The following LMBR1 variants were observed in gnomAD, a reference collection of about 807,000 sequenced individuals.
The protein encoded by LMBR1 is limb region 1 protein homolog.
In LMBR1, 52 loss-of-function variants were observed where a neutral mutation model predicts 73.9. The observed-to-expected ratio is 0.70, with a 90% confidence interval of 0.56 to 0.89. LMBR1 has a LOEUF of 0.89. LMBR1 is among the 40% of genes least tolerant of loss of function. The pLI is 0.00. For synonymous variants in LMBR1, 215 were observed against 209.4 expected (o/e 1.03, Z -0.23); for missense variants, 539 against 579.8 (o/e 0.93, Z 0.72).
chr7:156,805,839 T>C (rs1831957690), intron 4 of LMBR1, among the ~76,000 whole-genome samples: 1 of 152,086 alleles, frequency 6.6e-6, no homozygotes, highest in African/African-American at 2.4e-5. Context: ...TTGGGGGTAG[T>C]TAGGTCACAA....
chr7:156,828,213 T>A (rs1315460169), intron 3 of LMBR1, among the ~76,000 whole-genome samples: 1 of 152,184 alleles, frequency 6.6e-6, no homozygotes, highest in African/African-American at 2.4e-5. Context: ...ACACTTAGAC[T>A]TACCTAACCC....
At chr7:156,829,723 A>G (rs193033201) in intron 3 of LMBR1, among the ~76,000 whole-genome samples, 2 of 152,292 alleles carry the variant, frequency 1.3e-5, no homozygotes, top group Admixed American at 6.5e-5. Context: ...CTCCCGTTTC[A>G]GAATGAAAAA....
At chr7:156,674,226 G>C (rs76505823), downstream of LMBR1, among the ~76,000 whole-genome samples, 2 of 152,168 alleles carry the variant, frequency 1.3e-5, no homozygotes, top group South Asian at 2.1e-4. Flanking sequence ...TGTGGGGCTC[G>C]GGAACTGTCT....
chr7:156,740,996 T>C (rs995552383), intron 9 of LMBR1, among the ~76,000 whole-genome samples: 4 of 152,026 alleles, frequency 2.6e-5, no homozygotes, highest in African/African-American at 9.7e-5. Context: ...CAACAAAAAG[T>C]TTAAAAGTGT....
intron 1 of LMBR1, among the ~76,000 whole-genome samples, chr7:156,865,562 C>A (rs117496178): frequency 6.6e-6 from 1 of 152,106 alleles, no homozygotes; most frequent in Non-Finnish European, 1.5e-5. Flanking sequence ...TACTTTCTTA[C>A]AGAAATTGAC....
intron 5 of LMBR1, among the ~76,000 whole-genome samples, chr7:156,786,112 A>C (rs887331707): frequency 4.7e-5 from 7 of 150,248 alleles, no homozygotes; most frequent in African/African-American, 1.7e-4. Flanking sequence ...GGAGGGAGGG[A>C]AGGAGGGAGG....
At chr7:156,765,913 C>T (rs1463613700) in intron 5 of LMBR1, among the ~76,000 whole-genome samples, 1 of 152,020 alleles carries the variant, frequency 6.6e-6, no homozygotes, top group Admixed American at 6.5e-5. Flanking sequence ...AGTGTCAGCT[C>T]CTTGGAACCA....
At chr7:156,872,659 A>AG (rs982285078) in intron 1 of LMBR1, among the ~76,000 whole-genome samples, 2 of 152,102 alleles carry the variant, frequency 1.3e-5, no homozygotes, top group African/African-American at 4.8e-5. Flanking sequence ...AAAAAAAAAA[A>AG]CAACCTAAGA....
At chr7:156,853,695 A>G (rs2134106335) in intron 1 of LMBR1, among the ~76,000 whole-genome samples, 1 of 152,218 alleles carries the variant, frequency 6.6e-6, no homozygotes, top group South Asian at 2.1e-4. Context: ...TCATCCTGTC[A>G]CTGAGACTGG....
intron 1 of LMBR1, among the ~76,000 whole-genome samples, chr7:156,872,423 G>A (rs1374227360): frequency 6.6e-6 from 1 of 151,982 alleles, no homozygotes; most frequent in South Asian, 2.1e-4. Flanking sequence ...CCAAGCAGAC[G>A]GATCACCTGA....
At chr7:156,814,988 C>G (rs1424410898) in intron 4 of LMBR1, among the ~76,000 whole-genome samples, 1 of 151,866 alleles carries the variant, frequency 6.6e-6, no homozygotes, top group African/African-American at 2.4e-5. Context: ...AAAACCCCAT[C>G]TCTATTAAAA....
chr7:156,764,532 A>C (rs1035859284), intron 5 of LMBR1, among the ~76,000 whole-genome samples: 7 of 152,172 alleles, frequency 4.6e-5, no homozygotes, highest in Non-Finnish European at 8.8e-5. Context: ...CCAAAAAATC[A>C]CCCAATGATT....
chr7:156,676,088 C>T (rs1166110376), downstream of LMBR1, among the ~76,000 whole-genome samples: 1 of 151,812 alleles, frequency 6.6e-6, no homozygotes, highest in Non-Finnish European at 1.5e-5. Context: ...GCCCTAGCTG[C>T]CCCTGCACCT....
At chr7:156,847,536 C>T (rs190257115) in intron 1 of LMBR1, among the ~76,000 whole-genome samples, 2 of 152,272 alleles carry the variant, frequency 1.3e-5, no homozygotes, top group East Asian at 3.9e-4. Flanking sequence ...TTGCAAAAGA[C>T]TCCTCTGATA....
chr7:156,836,319 A>G (rs997006553), intron 2 of LMBR1, among the ~76,000 whole-genome samples: 1 of 152,244 alleles, frequency 6.6e-6, no homozygotes, highest in Non-Finnish European at 1.5e-5. Context: ...CACAAAGTTC[A>G]TTAAAAAGAG....
At chr7:156,872,938 G>A (rs1004278950) in intron 1 of LMBR1, among the ~76,000 whole-genome samples, 1 of 152,198 alleles carries the variant, frequency 6.6e-6, no homozygotes, top group Non-Finnish European at 1.5e-5. Context: ...AATGTGTCCG[G>A]AATTGGTGGG....
intron 15 of LMBR1, among the ~76,000 whole-genome samples, chr7:156,689,700 A>G (rs545003242): frequency 6.6e-6 from 1 of 152,332 alleles, no homozygotes; most frequent in South Asian, 2.1e-4. Flanking sequence ...GCTTTTTTAA[A>G]AAGGTTAAAA....
intron 16 of LMBR1, among the ~76,000 whole-genome samples, chr7:156,686,642 A>G (rs1295444670): frequency 6.6e-6 from 1 of 152,218 alleles, no homozygotes; most frequent in Non-Finnish European, 1.5e-5. Context: ...CATGCATATA[A>G]GGCCTTTTAT....
intron 1 of LMBR1, among the ~76,000 whole-genome samples, chr7:156,865,392 G>C (rs1344266297): frequency 6.6e-6 from 1 of 152,146 alleles, no homozygotes; most frequent in Non-Finnish European, 1.5e-5. Context: ...AGTCAAACTT[G>C]TACTCTGGAA....
Sources: allele counts gnomAD v4.1 joint callset (sites outside exome capture counted in the v4.1 genomes callset), GRCh38; gene constraint gnomAD v4.1.1; transcripts MANE v1.5; gene names NCBI Gene and HGNC (gene_info 2026-07-23, HGNC 2026-07-21).